VCF1: variants seen among roughly 807,000 people sequenced by gnomAD.
The protein encoded by VCF1 is VCP nuclear cofactor family member 1.
chr17:73,232,260 G>C, the VCF1 span: 3 of 1,609,794 alleles, frequency 1.9e-6, no homozygotes, highest in Non-Finnish European at 2.5e-6. Flanking sequence ...CCCCTCAGTC[G>C]GACCCGTACC....
chr17:73,208,521 A>G, the VCF1 span: 2 of 1,546,602 alleles, frequency 1.3e-6, no homozygotes, highest in Middle Eastern at 1.7e-4. Context: ...GCCTCTGCTC[A>G]TCTGATTCTC....
the VCF1 span, chr17:73,227,219 G>A: frequency 5.0e-6 from 8 of 1,586,636 alleles, no homozygotes; most frequent in Admixed American, 5.3e-5. Flanking sequence ...TTTTGGTCTG[G>A]GGGGGAAGAT....
the VCF1 span, among the ~76,000 whole-genome samples, chr17:73,217,345 T>A: frequency 6.8e-6 from 1 of 146,864 alleles, no homozygotes; most frequent in Non-Finnish European, 1.5e-5. Flanking sequence ...AGAGTGAGAC[T>A]GTATCTCAAT....
At chr17:73,212,196 T>C in the VCF1 span, among the ~76,000 whole-genome samples, 4 of 152,250 alleles carry the variant, frequency 2.6e-5, no homozygotes, top group South Asian at 2.1e-4. Context: ...TTTACAGATA[T>C]ATATTTTAAA....
the VCF1 span, among the ~76,000 whole-genome samples, chr17:73,210,462 A>G: frequency 6.6e-6 from 1 of 151,408 alleles, no homozygotes; most frequent in Admixed American, 6.6e-5. Context: ...GAGATCCCTG[A>G]TAAGAGTCAC....
the VCF1 span, among the ~76,000 whole-genome samples, chr17:73,225,256 G>C: frequency 6.6e-6 from 1 of 152,276 alleles, no homozygotes; most frequent in South Asian, 2.1e-4. Context: ...AGCTCAGCTA[G>C]AGAACCCAGG....
chr17:73,213,675 G>C, the VCF1 span, among the ~76,000 whole-genome samples: 3 of 152,140 alleles, frequency 2.0e-5, no homozygotes, highest in Non-Finnish European at 4.4e-5. Context: ...GTGAACTAAA[G>C]AATGCTACCA....
At chr17:73,232,240 G>A in the VCF1 span, 45 of 1,611,706 alleles carry the variant, frequency 2.8e-5, no homozygotes, top group Non-Finnish European at 3.7e-5. Flanking sequence ...GACGCAGCCG[G>A]TGGCGAGTAC....
At chr17:73,224,990 C>CACAGCACAGCACAGCACAGG in the VCF1 span, among the ~76,000 whole-genome samples, 5 of 92,242 alleles carry the variant, frequency 5.4e-5, no homozygotes, top group Non-Finnish European at 7.6e-5. Context: ...CACAGCACAG[C>CACAGCACAGCACAGCACAGG]ACAGGACAGG....
the VCF1 span, among the ~76,000 whole-genome samples, chr17:73,221,047 C>T: frequency 3.3e-5 from 5 of 150,642 alleles, no homozygotes; most frequent in South Asian, 2.1e-4. Context: ...TACAGGTACG[C>T]GCCACCACGC....
the VCF1 span, among the ~76,000 whole-genome samples, chr17:73,218,611 G>A: frequency 0.55 from 83,373 of 152,006 alleles, 23,182 homozygotes; most frequent in East Asian, 0.6. Context: ...GCTGCCGGGC[G>A]CGGTGGCTCA....
chr17:73,211,952 AC>A, the VCF1 span, among the ~76,000 whole-genome samples: 3,007 of 152,270 alleles, frequency 0.02, 85 homozygotes, highest in African/African-American at 0.067. Context: ...AATCACTTGA[AC>A]CTCGGAGGTC....
At chr17:73,216,534 GGAGGTGAGTGGGGAAAAGA>G in the VCF1 span, among the ~76,000 whole-genome samples, 1 of 152,112 alleles carries the variant, frequency 6.6e-6, no homozygotes, top group African/African-American at 2.4e-5. Context: ...AAGGCAGAGA[GGAGGTGAGTGGGGAAAAGA>G]GCCCACTAGC....
chr17:73,209,583 G>GGTCT, the VCF1 span: 1 of 1,585,858 alleles, frequency 6.3e-7, no homozygotes, highest in Non-Finnish European at 8.6e-7. Context: ...CCTCCCTCAG[G>GGTCT]GTCTGGTTGA....
chr17:73,221,903 G>A, the VCF1 span, among the ~76,000 whole-genome samples: 5 of 151,790 alleles, frequency 3.3e-5, no homozygotes, highest in Non-Finnish European at 5.9e-5. Flanking sequence ...GCGTGGTGGC[G>A]GTCCCCTGTA....
chr17:73,229,492 T>C, the VCF1 span: 3 of 985,468 alleles, frequency 3.0e-6, no homozygotes, highest in Non-Finnish European at 3.6e-6. Context: ...CTTCTACAGA[T>C]GGTTGATTCC....
chr17:73,227,282 G>GA, the VCF1 span: 3 of 1,449,730 alleles, frequency 2.1e-6, no homozygotes, highest in South Asian at 2.7e-5. Context: ...TAAATCACAA[G>GA]GAGAAAAAAA....
chr17:73,207,871 G>A, the VCF1 span: 5 of 1,196,712 alleles, frequency 4.2e-6, no homozygotes, highest in South Asian at 3.2e-5. Flanking sequence ...CCCTACCATC[G>A]AACCCATTAA....
the VCF1 span, among the ~76,000 whole-genome samples, chr17:73,229,050 A>G: frequency 1.3e-5 from 2 of 152,234 alleles, no homozygotes; most frequent in African/African-American, 4.8e-5. Flanking sequence ...AGGAGGTTGC[A>G]TGGCAGAGGG....
Sources: allele counts gnomAD v4.1 joint callset (sites outside exome capture counted in the v4.1 genomes callset), GRCh38; gene constraint gnomAD v4.1.1; transcripts MANE v1.5; gene names NCBI Gene and HGNC (gene_info 2026-07-23, HGNC 2026-07-21).